Variants in PHACTR4 observed in about 807,000 individuals in gnomAD.
PHACTR4 encodes phosphatase and actin regulator 4, also known as protein phosphatase 1, regulatory subunit 124.
In PHACTR4, 51 loss-of-function variants were observed where a neutral mutation model predicts 72.7. That is an observed-to-expected ratio of 0.70 (90% confidence interval 0.56 to 0.89). The LOEUF is 0.89. PHACTR4 is among the 40% of genes least tolerant of loss of function. The pLI, the probability that PHACTR4 is intolerant of heterozygous loss-of-function variation, is 0.00. For missense variants in PHACTR4, 731 were observed against 861.8 expected, an observed-to-expected ratio of 0.85 and a Z score of 1.90; for synonymous variants, 255 against 302.5, an observed-to-expected ratio of 0.84 and a Z score of 1.63.
At chr1:28,482,638 C>A (rs1660348921) in intron 9 of PHACTR4, among the ~76,000 whole-genome samples, 1 of 152,054 alleles carries the variant, frequency 6.6e-6, no homozygotes, top group South Asian at 2.1e-4. Flanking sequence ...TGTACTATTG[C>A]AGATACCTGG....
chr1:28,464,150 A>G (rs151246025), intron 4 of PHACTR4, among the ~76,000 whole-genome samples: 15,626 of 151,170 alleles, frequency 0.1, 1,864 homozygotes, highest in African/African-American at 0.3. Context: ...ATTGTTAGTA[A>G]AGACGGGGTT....
intron 1 of PHACTR4, among the ~76,000 whole-genome samples, chr1:28,391,546 A>C (rs1653032662): frequency 6.6e-6 from 1 of 151,586 alleles, no homozygotes; most frequent in South Asian, 2.1e-4. Context: ...AGACAGAAGG[A>C]ATAAGCACAA....
chr1:28,385,637 G>A (rs1652506494), intron 1 of PHACTR4, among the ~76,000 whole-genome samples: 1 of 134,244 alleles, frequency 7.4e-6, no homozygotes, highest in Non-Finnish European at 1.6e-5. Context: ...TTTTTTTGGA[G>A]ACGGAGCCTC....
intron 2 of PHACTR4, among the ~76,000 whole-genome samples, chr1:28,423,698 C>T (rs1054493654): frequency 5.9e-5 from 9 of 152,112 alleles, no homozygotes; most frequent in African/African-American, 2.2e-4. Flanking sequence ...TTAACTTAGA[C>T]CAGTTTACTC....
chr1:28,492,695 G>T (rs983341019), intron 12 of PHACTR4, among the ~76,000 whole-genome samples: 15 of 152,124 alleles, frequency 9.9e-5, no homozygotes, highest in Admixed American at 6.6e-5. Context: ...AGGAGCTGAA[G>T]GTTGCAGTGA....
rs1414224976 is a variant in PHACTR4, at chr1:28,440,391, A to ATTTTTTTTTTTT, written c.17-18692_17-18691insTTTTTTTTTTTT. The stretch of plus-strand genomic sequence containing the variant: ...AAAAAAGTAAGAATCAAATTCATCA[A>ATTTTTTTTTTTT]TTCTTTTTTTTTTTTTTTTTTTGAG... On this transcript the variant is annotated intron_variant, in intron 2 of 13. Coordinates refer to ENST00000373839, the MANE Select transcript of PHACTR4 (RefSeq NM_001048183.3). Among the ~76,000 whole-genome samples the ATTTTTTTTTTTT allele has an allele frequency of 1.7e-4, 15 of 89,958 alleles. 2 individuals carry two copies. The highest frequency in any genetic ancestry group is 5.5e-4 in the African/African-American group (11 of 19,888). The allele number at this position is 89,958 out of a possible 152,430, so 59.0% of individuals were successfully genotyped here.
intron 1 of PHACTR4, among the ~76,000 whole-genome samples, chr1:28,386,418 G>T (rs1652563704): frequency 6.6e-6 from 1 of 152,060 alleles, no homozygotes; most frequent in Non-Finnish European, 1.5e-5. Context: ...TGGATGGAGG[G>T]TTCTGTAGGT....
At chr1:28,455,111 C>G (rs77308872) in intron 2 of PHACTR4, among the ~76,000 whole-genome samples, 15,684 of 151,780 alleles carry the variant, frequency 0.1, 1,876 homozygotes, top group African/African-American at 0.3. Flanking sequence ...CTCAAGTGAT[C>G]CACCTGTCTC....
chr1:28,496,511 G>C (rs1338837927), intron 13 of PHACTR4, 23 bp from the exon 14 acceptor site: 1 of 1,612,916 alleles, frequency 6.2e-7, no homozygotes. Context: ...GTGGTAACTT[G>C]TCTCTTTTTT....
intron 1 of PHACTR4, among the ~76,000 whole-genome samples, chr1:28,396,803 C>T (rs1262686476): frequency 6.7e-6 from 1 of 149,990 alleles, no homozygotes; most frequent in African/African-American, 2.4e-5. Context: ...AGATTACAGG[C>T]TTACACCACC....
chr1:28,445,082 G>A (rs1215755493), intron 2 of PHACTR4, among the ~76,000 whole-genome samples: 1 of 151,664 alleles, frequency 6.6e-6, no homozygotes, highest in Non-Finnish European at 1.5e-5. Context: ...AGCCTCCTGA[G>A]TAGCTGGGAT....
At chr1:28,431,823 G>C (rs1656286487) in intron 2 of PHACTR4, among the ~76,000 whole-genome samples, 1 of 152,204 alleles carries the variant, frequency 6.6e-6, no homozygotes, top group Admixed American at 6.5e-5. Flanking sequence ...CATTTATGTG[G>C]CCTGCTTTGG....
chr1:28,473,799 C>T lies in PHACTR4; in HGVS notation c.1069C>T (p.Arg357Cys), dbSNP rs746273802. The T allele has an allele frequency of 1.7e-5, 28 of 1,614,092 alleles. No homozygotes were observed. Among genetic ancestry groups the T allele is most frequent in the East Asian group, 2.2e-5 (1 of 44,884 alleles). ...LPTHIPPEPPRTPPFPAKTFQ... is the reference protein window; with the variant it reads ...LPTHIPPEPPCTPPFPAKTFQ... The stretch of plus-strand genomic sequence containing the variant: ...TACTCATATACCTCCAGAGCCTCCA[C>T]GCACCCCTCCATTCCCTGCTAAGAC... The change falls in exon 7 of 14, where the codon CGC (arginine) becomes TGC (cysteine). Residue 357 changes from arginine (R) to cysteine (C), a missense_variant. Arg to Cys is a radical substitution (Grantham distance 180, BLOSUM62 -3). This residue lies in a region of PHACTR4 where 621 missense variants were observed against 676.6 expected (regional missense o/e 0.92). Transcript: ENST00000373839.
chr1:28,384,901 TAACA>T (rs1652444292), intron 1 of PHACTR4, among the ~76,000 whole-genome samples: 1 of 151,986 alleles, frequency 6.6e-6, no homozygotes, highest in African/African-American at 2.4e-5. Flanking sequence ...CAAAAAATAA[TAACA>T]AATAAATAAA....
chr1:28,389,589 T>G (rs934276564), intron 1 of PHACTR4, among the ~76,000 whole-genome samples: 4 of 151,760 alleles, frequency 2.6e-5, no homozygotes, highest in African/African-American at 9.7e-5. Context: ...GCGATTCTCC[T>G]GCCTCAGCTT....
At chr1:28,443,238 T>C (rs1657168419) in intron 2 of PHACTR4, among the ~76,000 whole-genome samples, 1 of 148,704 alleles carries the variant, frequency 6.7e-6, no homozygotes, top group African/African-American at 2.5e-5. Context: ...TCCATCCATG[T>C]TGCTGAGAAT....
At chr1:28,425,188 A>G (rs1018453896) in intron 2 of PHACTR4, among the ~76,000 whole-genome samples, 7 of 152,024 alleles carry the variant, frequency 4.6e-5, no homozygotes, top group Non-Finnish European at 7.4e-5. Flanking sequence ...CACGATCTTC[A>G]GCTAACTGCA....
At chr1:28,469,086 ATAGATT>A (rs1367106552) in intron 6 of PHACTR4, among the ~76,000 whole-genome samples, 1 of 152,200 alleles carries the variant, frequency 6.6e-6, no homozygotes, top group Non-Finnish European at 1.5e-5. Flanking sequence ...TTAGAGCTAA[ATAGATT>A]TAATTTAAAG....
intron 2 of PHACTR4, chr1:28,432,997 C>A: frequency 2.3e-6 from 2 of 855,450 alleles, no homozygotes; most frequent in Non-Finnish European, 2.8e-6. Context: ...CCCCGCTTGG[C>A]CTCCCAAAGT....
Sources: allele counts gnomAD v4.1 joint callset (sites outside exome capture counted in the v4.1 genomes callset), GRCh38; gene constraint gnomAD v4.1.1; regional missense constraint gnomAD v4.1.1; transcripts MANE v1.5; gene names NCBI Gene and HGNC (gene_info 2026-07-23, HGNC 2026-07-21).